The following C11orf24 variants were observed in gnomAD, a reference collection of about 807,000 sequenced individuals.
C11orf24 encodes uncharacterized protein C11orf24.
Under a neutral mutation model 7.3 loss-of-function variants are expected in C11orf24, and 5 were observed. That is an observed-to-expected ratio of 0.69 (90% CI 0.36 to 1.45). The LOEUF is 1.45. Among genes scored for constraint, C11orf24 ranks in the 40% most tolerant of loss-of-function variants. C11orf24 has a pLI of 0.03. For synonymous variants in C11orf24, 233 were observed against 235.7 expected, an observed-to-expected ratio of 0.99 and a Z score of 0.11; for missense variants, 566 against 590.5, an observed-to-expected ratio of 0.96 and a Z score of 0.43.
In C11orf24 at chr11:68,263,676, C is replaced by T. The variant is rs1254570905; in HGVS notation, c.76+16G>A. 6.2e-7 allele frequency: 1 copy of T among 1,612,256 alleles called. No individual in the cohort carries two copies. The highest frequency in any genetic ancestry group is 8.5e-7 in the Non-Finnish European group (1 of 1,178,986). On this transcript the variant is annotated intron_variant, in intron 3 of 3. Coordinates refer to ENST00000304271, the MANE Select transcript of C11orf24 (RefSeq NM_022338.4). The stretch of plus-strand genomic sequence containing the variant: ...ACCGTGGGCCCATCCAGCAGTCACA[C>T]AGCTTTCTCACTTACGTGGATCGTT...
At chr11:68,267,566 C>T (rs1192897725) in intron 2 of C11orf24, 4 of 152,320 alleles carry the variant, frequency 2.6e-5, no homozygotes, top group Non-Finnish European at 5.9e-5. Context: ...AAGATAAGGC[C>T]TCCTGATCAG....
intron 1 of C11orf24, 110 bp from the exon 2 acceptor site, chr11:68,268,361 G>A (rs192702814): frequency 5.9e-5 from 9 of 152,358 alleles, no homozygotes; most frequent in African/African-American, 1.9e-4. Context: ...ATTCCACTGG[G>A]AAAACGACAA....
intron 2 of C11orf24, among the ~76,000 whole-genome samples, chr11:68,264,279 T>C (rs1003189558): frequency 6.6e-6 from 1 of 152,032 alleles, no homozygotes; most frequent in Non-Finnish European, 1.5e-5. Flanking sequence ...ATGTGCACCC[T>C]GTGACAGGTG....
At position 68,262,560 on chromosome 11, in the gene C11orf24, A is replaced by T; in HGVS notation, c.435T>A (p.Ile145=). 1 of 1,609,434 alleles carries T rather than the reference A, an allele frequency of 6.2e-7. No individual in the cohort carries two copies. The highest frequency in any genetic ancestry group is 8.5e-7 in the Non-Finnish European group (1 of 1,176,738). Residue 145 remains isoleucine, a synonymous_variant, in exon 4 of 4, where the codon ATT becomes ATA. Coordinates refer to ENST00000304271, the MANE Select transcript of C11orf24 (RefSeq NM_022338.4). ...TAASSTTVAS[I]APTTAASSMT... is the part of the protein sequence containing the mutation. ...TACTGGAGGCTGCAGTCGTGGGAGCAATGGAGGCCACAGTTGTACTGGAGG... is the reference window on the plus strand; with the variant it reads ...TACTGGAGGCTGCAGTCGTGGGAGCTATGGAGGCCACAGTTGTACTGGAGG...
In C11orf24 at chr11:68,262,467, C is replaced by T. The variant is rs374855278; in HGVS notation, c.528G>A (p.Arg176=). 10 of 1,613,916 alleles carry T rather than the reference C, an allele frequency of 6.2e-6. No individual in the cohort carries two copies. The highest frequency in any genetic ancestry group is 2.2e-5 in the South Asian group (2 of 91,090). ...LPAPTSTSTG[R]TPSTTATGHP... ...GCCCAGTGGCGGTAGTGGACGGGGT[C>T]CGCCCTGTGGAAGTGGACGTGGGCG... Residue 176 remains arginine, a synonymous_variant, in exon 4 of 4, where the codon CGG becomes CGA. Transcript: ENST00000304271.
intron 2 of C11orf24, chr11:68,267,002 G>A (rs1056318417): frequency 3.3e-5 from 5 of 152,170 alleles, no homozygotes; most frequent in African/African-American, 9.7e-5. Context: ...CTCTATAGAG[G>A]ACAGGATGGC....
At chr11:68,266,226 A>G (rs2098565061) in intron 2 of C11orf24, among the ~76,000 whole-genome samples, 1 of 152,180 alleles carries the variant, frequency 6.6e-6, no homozygotes, top group South Asian at 2.1e-4. Context: ...GGGACATGGG[A>G]TCACACGGGC....
chr11:68,267,187 T>G (rs2098565629), intron 2 of C11orf24: 1 of 152,280 alleles, frequency 6.6e-6, no homozygotes, highest in Non-Finnish European at 1.5e-5. Context: ...TGCTAGCCCC[T>G]GCTTTAGCAC....
chr11:68,264,922 G>C (rs536591406), intron 2 of C11orf24, among the ~76,000 whole-genome samples: 5 of 151,894 alleles, frequency 3.3e-5, no homozygotes, highest in Non-Finnish European at 7.4e-5. Context: ...CAGTATGCGG[G>C]CAGGCCTTGA....
At chr11:68,264,153 G>C (rs1160357492) in intron 2 of C11orf24, among the ~76,000 whole-genome samples, 1 of 152,094 alleles carries the variant, frequency 6.6e-6, no homozygotes. Context: ...AGGAGAGAGG[G>C]CTAAGACTTG....
rs886076616 is a variant in C11orf24 at position 68,271,876 on chromosome 11, G to C, written c.-317C>G. 1 of 152,292 alleles carries C rather than the reference G, an allele frequency of 6.6e-6. No individual in the cohort carries two copies. 9.4% of individuals were successfully genotyped at this position (152,292 alleles called of 1,614,324 possible). A position where few individuals can be genotyped will look rare whatever the true frequency, so the allele number is the denominator to read the frequency against. On this transcript the variant is annotated 5_prime_UTR_variant, in exon 1 of 4. Transcript: ENST00000304271. ...CCTTACCCGGGCGCAGCAGGCCCCC[G>C]GCGGCCTGGTGGCCCTCGGACAGTA... is the stretch of plus-strand genomic sequence containing the variant.
chr11:68,263,755 G>T lies in C11orf24; in HGVS notation c.13C>A (p.Leu5Ile). 6.2e-7 allele frequency: 1 copy of T among 1,613,146 alleles called. No individual in the cohort carries two copies. The highest frequency in any genetic ancestry group is 1.1e-5 in the South Asian group (1 of 91,034). Residue 5 changes from leucine to isoleucine, a missense_variant, in exon 3 of 4, where the codon CTT becomes ATT. Leu to Ile is a conservative substitution (Grantham distance 5). Transcript: ENST00000304271. ...AAGGAGAAAATCCAAATGAGCACAAGAGCTGTCCACATCTTGTGGGTGAGC... is the reference window on the plus strand; with the variant it reads ...AAGGAGAAAATCCAAATGAGCACAATAGCTGTCCACATCTTGTGGGTGAGC... MWTA[L>I]VLIWIFSLSL...
intron 2 of C11orf24, among the ~76,000 whole-genome samples, chr11:68,265,978 C>T (rs751572878): frequency 1.3e-5 from 2 of 152,168 alleles, no homozygotes; most frequent in African/African-American, 2.4e-5. Flanking sequence ...ACGAAGGGGC[C>T]ATTGAATGCA....
In C11orf24 at chr11:68,262,702, G is replaced by A. The variant is rs757049237; in HGVS notation, c.293C>T (p.Ala98Val). 1.9e-6 allele frequency: 3 copies of A among 1,614,036 alleles called. No homozygotes were observed. The highest frequency in any genetic ancestry group is 2.7e-5 in the African/African-American group (2 of 74,912). ...DVSEPATSGG[A>V]ADGVTSIAPT... ...AGCAATGGAGGTCACACCATCAGCT[G>A]CACCTCCTGAAGTTGCTGGTTCACT... is the stretch of plus-strand genomic sequence containing the variant. Residue 98 changes from alanine to valine, a missense_variant, in exon 4 of 4, where the codon GCA becomes GTA. Ala to Val is a moderately conservative substitution (Grantham distance 64, BLOSUM62 0). Transcript: ENST00000304271.
In C11orf24 at chr11:68,262,120, G is replaced by T. The variant is rs149433366; in HGVS notation, c.875C>A (p.Thr292Asn). The T allele has an allele frequency of 6.2e-5, 100 of 1,613,608 alleles. No individual in the cohort carries two copies. Among genetic ancestry groups the T allele is most frequent in the Non-Finnish European group, 8.0e-5 (94 of 1,179,904 alleles). ...CTCCCTGGCTTGTGCCTTGGTGGTG[G>T]TCACCACTGTGGGGGTGGGGGCGGG... ...PEPAPTPTVV[T>N]TTKAQAREPT... Residue 292 changes from threonine (T) to asparagine (N), a missense_variant, in exon 4 of 4, where the codon ACC becomes AAC. Thr to Asn is a moderately conservative substitution (Grantham distance 65). Coordinates refer to ENST00000304271, the MANE Select transcript of C11orf24 (RefSeq NM_022338.4).
In C11orf24 at chr11:68,262,213, G is replaced by C; in HGVS notation, c.782C>G (p.Ser261Ter). Reference sequence around the variant, plus strand: ...TGTGTTAACCACAGGCTGGTCCACTGACACCTGGCTAATGGGACCTTGTGC... The same window carrying C: ...TGTGTTAACCACAGGCTGGTCCACTCACACCTGGCTAATGGGACCTTGTGC... ...PQAQGPISQVSVDQPVVNTTN... is the reference protein window; with the variant it reads ...PQAQGPISQV The change falls in exon 4 of 4, where the codon TCA (serine) becomes TGA (stop). Residue 261 changes from serine (S) to a stop codon, truncating the protein, a stop_gained. Coordinates refer to ENST00000304271, the MANE Select transcript of C11orf24 (RefSeq NM_022338.4). LOFTEE classifies it low-confidence loss of function (END_TRUNC). 6.2e-7 allele frequency: 1 copy of C among 1,613,122 alleles called. No homozygotes were observed. Among genetic ancestry groups the C allele is most frequent in the East Asian group, 2.2e-5 (1 of 44,858 alleles).
chr11:68,261,671 C>T lies in C11orf24; in HGVS notation c.1324G>A (p.Gly442Arg), dbSNP rs757729899. 5.6e-6 allele frequency: 9 copies of T among 1,611,384 alleles called. No individual in the cohort carries two copies. The highest frequency in any genetic ancestry group is 2.2e-5 in the East Asian group (1 of 44,792). The stretch of plus-strand genomic sequence containing the variant: ...CACATTTCTGAGTCCGCATACATCC[C>T]GTTGATTAAGTAGTCCACCTGGGTG... ...DYTQVDYLIN[G>R]MYADSEM The change falls in exon 4 of 4, where the codon GGG (glycine) becomes AGG (arginine). Residue 442 changes from glycine (G) to arginine (R), a missense_variant. Coordinates refer to ENST00000304271, the MANE Select transcript of C11orf24 (RefSeq NM_022338.4).
At position 68,268,090 on chromosome 11, in the gene C11orf24, C is replaced by T. The variant is rs1054766291; in HGVS notation, c.-136G>A. 1 of 152,376 alleles carries T rather than the reference C, an allele frequency of 6.6e-6. No individual in the cohort carries two copies. The highest frequency in any genetic ancestry group is 2.4e-5 in the African/African-American group (1 of 41,476). The allele number at this position is 152,376 out of a possible 1,614,324, so 9.4% of individuals were successfully genotyped here. A position where few individuals can be genotyped will look rare whatever the true frequency, so the allele number is the denominator to read the frequency against. Reference sequence around the variant, plus strand: ...GCTAAGGGGATGCTCCCAGCCTGGACCATCTTCCTCCTTGGAGAGCTGTGG... The same window carrying T: ...GCTAAGGGGATGCTCCCAGCCTGGATCATCTTCCTCCTTGGAGAGCTGTGG... On this transcript the variant is annotated 5_prime_UTR_variant, in exon 2 of 4. It introduces an in-frame stop codon into an upstream open reading frame of the 5' UTR. Transcript: ENST00000304271.
intron 2 of C11orf24, among the ~76,000 whole-genome samples, chr11:68,265,695 C>T (rs1366085716): frequency 1.3e-5 from 2 of 152,108 alleles, no homozygotes; most frequent in African/African-American, 4.8e-5. Context: ...GCTATGTTGC[C>T]CAGGGTGGTC....
Sources: allele counts gnomAD v4.1 joint callset (sites outside exome capture counted in the v4.1 genomes callset), GRCh38; gene constraint gnomAD v4.1.1; transcripts MANE v1.5; gene names NCBI Gene and HGNC (gene_info 2026-07-23, HGNC 2026-07-21).